SWI5: variants seen among roughly 807,000 people sequenced by gnomAD.
SWI5 encodes the protein SWI5 homologous recombination repair protein.
Under a neutral mutation model 17.0 loss-of-function variants are expected in SWI5, and 12 were observed. The ratio of observed to expected loss-of-function variants is 0.71; its 90% CI spans 0.45 to 1.14. SWI5 has a LOEUF of 1.14. SWI5 is among the 50% of genes most tolerant of loss of function. The pLI, the probability that SWI5 is intolerant of heterozygous loss-of-function variation, is 0.00. For missense variants in SWI5, 158 were observed against 162.2 expected (o/e 0.97, Z 0.14); for synonymous variants, 61 against 64.0 (o/e 0.95, Z 0.22).
intron 2 of SWI5, 57 bp from the exon 3 acceptor site, chr9:128,284,453 A>G: frequency 1.3e-6 from 2 of 1,587,162 alleles, no homozygotes; most frequent in Non-Finnish European, 1.7e-6. Context: ...GGGGACATGT[A>G]GGCTGTGAAT....
intron 2 of SWI5, chr9:128,278,631 C>T (rs745668524): frequency 5.5e-5 from 26 of 471,508 alleles, no homozygotes; most frequent in Non-Finnish European, 9.2e-5. Context: ...ATCATCTTTC[C>T]AGTTCCTTCC....
At chr9:128,276,513 AC>A in intron 1 of SWI5, 111 bp downstream of exon 1, 3 of 1,566,578 alleles carry the variant, frequency 1.9e-6, no homozygotes, top group Non-Finnish European at 2.6e-6. Context: ...GCTCCAGACA[AC>A]CCCCGTCTCA....
chr9:128,278,604 C>T (rs2131415764), intron 2 of SWI5: 1 of 468,324 alleles, frequency 2.1e-6, no homozygotes, highest in African/African-American at 2.0e-5. Flanking sequence ...ATTGTCCCAT[C>T]AGCTTACTTT....
chr9:128,277,057 G>C (rs556249165), intron 2 of SWI5, among the ~76,000 whole-genome samples: 1 of 151,912 alleles, frequency 6.6e-6, no homozygotes, highest in African/African-American at 2.4e-5. Flanking sequence ...TCTCCTCCTC[G>C]CTCTTTTCAC....
intron 2 of SWI5, 74 bp downstream of exon 2, chr9:128,276,829 T>C: frequency 2.1e-6 from 3 of 1,460,088 alleles, no homozygotes; most frequent in Non-Finnish European, 9.4e-7. Flanking sequence ...CCACTCCCCA[T>C]CCCAACAGCA....
chr9:128,282,461 C>A (rs1300954520), intron 2 of SWI5, among the ~76,000 whole-genome samples: 1 of 152,110 alleles, frequency 6.6e-6, no homozygotes, highest in Non-Finnish European at 1.5e-5. Context: ...TGAGATGTTA[C>A]TGTTGTAGAC....
chr9:128,276,344 G>C lies in SWI5; in HGVS notation c.4G>C (p.Asp2His), dbSNP rs376149218. The C allele has an allele frequency of 1.7e-5, 27 of 1,613,172 alleles. No homozygotes were observed. The African/African-American group carries it at 3.6e-4, about 22-fold the overall frequency. The change falls in exon 1 of 5, where the codon GAC becomes CAC. Residue 2 changes from aspartate to histidine, a missense_variant. Transcript: ENST00000418976. The stretch of plus-strand genomic sequence containing the variant: ...AGGTCGCTCTCCGACTCCCGCGCTG[G>C]ACCCTCTTGCGCCATTGAACCCCCT...
upstream of SWI5, chr9:128,275,394 G>C (rs1048063325): frequency 2.3e-6 from 3 of 1,285,884 alleles, no homozygotes; most frequent in African/African-American, 3.1e-5. Context: ...CGACGTCCAA[G>C]TCGCCGCTCC....
chr9:128,275,373 G>A (rs575520715), upstream of SWI5: 39 of 1,282,554 alleles, frequency 3.0e-5, no homozygotes, highest in African/African-American at 5.9e-4. Flanking sequence ...CTCCTAGGGG[G>A]AACATCAGCG....
upstream of SWI5, chr9:128,275,893 CT>C: frequency 6.4e-7 from 1 of 1,552,278 alleles, no homozygotes; most frequent in Non-Finnish European, 8.7e-7. Context: ...TGCACTTTAC[CT>C]TTTTCTTCGC....
rs749177303 is a variant in SWI5 at position 128,286,086 on chromosome 9, G to A, written c.328+53G>A. 46 of 1,378,552 alleles carry A rather than the reference G, an allele frequency of 3.3e-5. No homozygotes were observed. In the East Asian group the frequency reaches 4.8e-4, roughly 14 times the overall value. 85.4% of individuals were successfully genotyped at this position (1,378,552 alleles called of 1,614,324 possible). A position where few individuals can be genotyped will look rare whatever the true frequency, so the allele number is the denominator to read the frequency against. On this transcript the variant is annotated intron_variant, in intron 4 of 4. Transcript: ENST00000418976. ...AGCAGGCATCATAGGGTGTCGTCTC[G>A]CCTAGGGGTGTTGGGTTTTGCTCCT...
In SWI5 at chr9:128,283,150, A is replaced by G. The variant is rs533812210; in HGVS notation, c.112-1360A>G. ...GCCAACATGGTGAAACCCTGTCTCT[A>G]CTAAAAATACAAAAAAAAAAAATTA... On this transcript the variant is annotated intron_variant, in intron 2 of 4. Coordinates refer to ENST00000418976, the Ensembl canonical transcript of SWI5. Among the ~76,000 whole-genome samples the G allele has an allele frequency of 3.3e-5, 5 of 152,068 alleles. No homozygotes were observed. The East Asian group carries it at 9.7e-4, about 29-fold the overall frequency.
intron 3 of SWI5, 131 bp downstream of exon 3, chr9:128,284,762 C>G (rs1588506747): frequency 1.8e-6 from 2 of 1,112,546 alleles, no homozygotes; most frequent in Admixed American, 3.0e-5. Flanking sequence ...TTGAGACCAG[C>G]CTGGCCAACA....
chr9:128,288,588 G>T, intron 4 of SWI5, 64 bp from the exon 5 acceptor site: 1 of 1,574,396 alleles, frequency 6.4e-7, no homozygotes, highest in Non-Finnish European at 8.7e-7. Context: ...CTGGCTCGGG[G>T]CATTGGCTGT....
chr9:128,278,707 T>A (rs775141047), intron 2 of SWI5: 1 of 471,292 alleles, frequency 2.1e-6, no homozygotes, highest in East Asian at 6.9e-5. Flanking sequence ...TCCAGAGAGA[T>A]GAATATAGCC....
chr9:128,282,212 C>A (rs1831551068), intron 2 of SWI5, among the ~76,000 whole-genome samples: 1 of 152,022 alleles, frequency 6.6e-6, no homozygotes, highest in African/African-American at 2.4e-5. Context: ...CATGGTGAAA[C>A]CTTGTCTCTA....
Position 128,285,928 on chromosome 9 carries a change from G to C in SWI5, c.234-11G>C. Reference sequence around the variant, plus strand: ...GGCTGTCTTTCCCCCTCTCTCCATCGCTTATCCCAGAGGCTACAGTGTGGA... The same window carrying C: ...GGCTGTCTTTCCCCCTCTCTCCATCCCTTATCCCAGAGGCTACAGTGTGGA... On this transcript the variant is annotated splice_polypyrimidine_tract_variant and intron_variant, in intron 3 of 4. Coordinates refer to ENST00000418976, the Ensembl canonical transcript of SWI5. This position sits in a 1 kb window ranked among gnomAD's most constrained non-coding sequence, Gnocchi z 4.8. 2 of 1,602,838 alleles carry C rather than the reference G, an allele frequency of 1.2e-6. No individual in the cohort carries two copies. Among genetic ancestry groups the C allele is most frequent in the Non-Finnish European group, 1.7e-6 (2 of 1,169,914 alleles).
At chr9:128,275,687 A>G (rs1229539642), upstream of SWI5, among the ~76,000 whole-genome samples, 1 of 151,964 alleles carries the variant, frequency 6.6e-6, no homozygotes, top group Non-Finnish European at 1.5e-5. Flanking sequence ...CACCAGCCCA[A>G]AGTCACCCGG....
At chr9:128,288,930 A>T in exon 5 of SWI5, 1 of 595,704 alleles carries the variant, frequency 1.7e-6, no homozygotes, top group Non-Finnish European at 3.0e-6. Context: ...GAAATGTCGC[A>T]GTGATACTTG....
Sources: allele counts gnomAD v4.1 joint callset (sites outside exome capture counted in the v4.1 genomes callset), GRCh38; gene constraint gnomAD v4.1.1; non-coding constraint Gnocchi (gnomAD v3.1); transcripts MANE v1.5; gene names NCBI Gene and HGNC (gene_info 2026-07-23, HGNC 2026-07-21).